RGS12: variants seen among roughly 807,000 people sequenced by gnomAD.
The protein encoded by RGS12 is regulator of G-protein signaling 12.
In RGS12, 66 loss-of-function variants were observed where a neutral mutation model predicts 120.1. The ratio of observed to expected loss-of-function variants is 0.55; its 90% CI spans 0.45 to 0.67. RGS12 has a LOEUF of 0.67. Among genes scored for constraint, RGS12 ranks in the 30% least tolerant of loss-of-function variants. The probability of loss-of-function intolerance (pLI) is 0.00; values close to 1 mark genes in which losing one functional copy is unlikely to be tolerated. For missense variants in RGS12, 1,859 were observed against 1,957.7 expected (o/e 0.95, Z 0.95); for synonymous variants, 827 against 804.7 (o/e 1.03, Z -0.47).
Position 3,316,463 on chromosome 4 carries a change from G to T in RGS12, c.293G>T (p.Gly98Val). Residue 98 changes from glycine (G) to valine (V), a missense_variant, in exon 2 of 18, where the codon GGC becomes GTC. Physicochemically the swap from Gly to Val is moderately radical, Grantham distance 109. Around this residue, in one of 3 missense-constraint regions of RGS12, gnomAD observed 967 missense variants for 994.2 expected, o/e 0.97. Transcript: ENST00000336727. ...GTCCTTCACATGGTGATTGCTGAAG[G>T]CGTCGGCCGCTTCGAATCCTGTTCC... ...SGVLHMVIAEGVGRFESCSSD... is the reference protein window; with the variant it reads ...SGVLHMVIAEVVGRFESCSSD... 1 of 1,614,180 alleles carries T rather than the reference G, an allele frequency of 6.2e-7. No homozygotes were observed. Among genetic ancestry groups the T allele is most frequent in the Admixed American group, 1.7e-5 (1 of 60,032 alleles).
intron 4 of RGS12, among the ~76,000 whole-genome samples, chr4:3,386,662 C>T (rs1380266893): frequency 3.3e-5 from 5 of 152,058 alleles, no homozygotes; most frequent in African/African-American, 1.2e-4. Flanking sequence ...CTGCCATGGC[C>T]CTGAACACCA....
intron 14 of RGS12, 44 bp downstream of exon 14, chr4:3,425,604 CCAGTGCAGGGGAGGGGGCTATG>C: frequency 6.7e-7 from 1 of 1,490,706 alleles, no homozygotes. Flanking sequence ...GTGAGTGGGT[CCAGTGCAGGGGAGGGGGCTATG>C]GAGCCGGTGC....
rs149727163 is a variant in RGS12, at chr4:3,317,161, G to A, written c.991G>A (p.Gly331Ser). ...CGGGAGCCTGGCCCAGGAGGAGGAG[G>A]GCGCCCTGCGGACTTCCTGCCACGT... ...DDGSLAQEEE[G>S]ALRTSCHVFM... is the part of the protein sequence containing the mutation. Residue 331 changes from glycine (G) to serine (S), a missense_variant, in exon 2 of 18, where the codon GGC becomes AGC. Physicochemically the swap from Gly to Ser is moderately conservative, Grantham distance 56 (BLOSUM62 0). Around this residue, in one of 3 missense-constraint regions of RGS12, gnomAD observed 967 missense variants for 994.2 expected, o/e 0.97. Transcript: ENST00000336727. 4.5e-4 allele frequency: 721 copies of A among 1,614,100 alleles called. 2 individuals carry two copies. In the African/African-American group the frequency reaches 6.6e-3, roughly 15 times the overall value.
chr4:3,422,811 C>T (rs1311455953), intron 11 of RGS12, 94 bp from the exon 12 acceptor site: 3 of 1,178,502 alleles, frequency 2.5e-6, no homozygotes, highest in African/African-American at 1.5e-5. Flanking sequence ...AGCTGCTCTT[C>T]TGCTCTGCAC....
Position 3,391,498 on chromosome 4 carries a change from G to A in RGS12, c.2020+5061G>A, listed in dbSNP as rs144459202. Among the ~76,000 whole-genome samples the A allele has an allele frequency of 9.3e-3, 1,416 of 152,324 alleles. 8 individuals carry two copies. Among genetic ancestry groups the A allele is most frequent in the Middle Eastern group, 0.024 (7 of 294 alleles). ...GTGCCTGAGAATTGACTCAGGGCTGGGGTGACCACAGAAGCCCTTGGTGCC... is the reference window on the plus strand; with the variant it reads ...GTGCCTGAGAATTGACTCAGGGCTGAGGTGACCACAGAAGCCCTTGGTGCC... On this transcript the variant is annotated intron_variant, in intron 4 of 17. Transcript: ENST00000336727.
chr4:3,393,303 G>A (rs912425259), intron 4 of RGS12, among the ~76,000 whole-genome samples: 3 of 152,216 alleles, frequency 2.0e-5, no homozygotes, highest in African/African-American at 4.8e-5. Flanking sequence ...TGTTCCCGCC[G>A]CAGCCCCCGG....
rs766789018 is a variant in RGS12, at chr4:3,416,955, A to C, written c.2470A>C (p.Lys824Gln). Residue 824 changes from lysine (K) to glutamine (Q), a missense_variant, in exon 8 of 18, where the codon AAG becomes CAG. Transcript: ENST00000336727. ...MKFDSYTRFL[K>Q]SPLYQECILA... ...GTTTGATAGCTACACTCGCTTTCTG[A>C]AGTCCCCGCTGTACCAGGAATGCAT... is the stretch of plus-strand genomic sequence containing the variant. 6.2e-7 allele frequency: 1 copy of C among 1,610,300 alleles called. No individual in the cohort carries two copies.
chr4:3,300,170 G>A (rs1478396455), intron 1 of RGS12, among the ~76,000 whole-genome samples: 1 of 152,258 alleles, frequency 6.6e-6, no homozygotes, highest in East Asian at 1.9e-4. Flanking sequence ...GCTGGGAACA[G>A]GTGCTCGCCT....
At chr4:3,325,784 A>G (rs1725518824) in intron 2 of RGS12, among the ~76,000 whole-genome samples, 1 of 152,196 alleles carries the variant, frequency 6.6e-6, no homozygotes, top group African/African-American at 2.4e-5. Context: ...ACAAATCCTC[A>G]ACAAAATACT....
intron 4 of RGS12, among the ~76,000 whole-genome samples, chr4:3,412,675 C>T (rs975150765): frequency 3.9e-5 from 6 of 152,254 alleles, no homozygotes; most frequent in African/African-American, 1.4e-4. Context: ...TGAGGCTGCT[C>T]TGTCAGTCAG....
intron 1 of RGS12, among the ~76,000 whole-genome samples, chr4:3,307,499 A>G: frequency 6.6e-6 from 1 of 152,258 alleles, no homozygotes; most frequent in East Asian, 1.9e-4. Flanking sequence ...TTTTAGTACA[A>G]AAAAGTTCTT....
At chr4:3,307,545 G>A (rs3129308) in intron 1 of RGS12, among the ~76,000 whole-genome samples, 100,678 of 152,230 alleles carry the variant, frequency 0.66, 34,196 homozygotes, top group African/African-American at 0.81. Flanking sequence ...AGAAATAATT[G>A]CATTCAGACA....
At chr4:3,395,322 C>T (rs771554018) in intron 4 of RGS12, among the ~76,000 whole-genome samples, 2 of 152,154 alleles carry the variant, frequency 1.3e-5, no homozygotes, top group African/African-American at 2.4e-5. Flanking sequence ...GTTTACTCTC[C>T]TAGCTGTGGA....
intron 4 of RGS12, among the ~76,000 whole-genome samples, chr4:3,388,023 T>A (rs538093684): frequency 6.6e-6 from 1 of 152,198 alleles, no homozygotes; most frequent in African/African-American, 2.4e-5. Flanking sequence ...AGGAAGTGTG[T>A]CCTGGCTCCT....
At chr4:3,417,629 T>G (rs1456140770) in intron 9 of RGS12, 88 bp downstream of exon 9, 1 of 1,443,282 alleles carries the variant, frequency 6.9e-7, no homozygotes, top group African/African-American at 1.4e-5. Context: ...GCGGTGACCT[T>G]GGGCCATGTG....
At chr4:3,384,164 A>G (rs376622389) in intron 3 of RGS12, among the ~76,000 whole-genome samples, 4 of 151,970 alleles carry the variant, frequency 2.6e-5, no homozygotes, top group Admixed American at 1.3e-4. Context: ...GATATTATTT[A>G]TTTATTTTAA....
intron 1 of RGS12, among the ~76,000 whole-genome samples, chr4:3,305,401 A>T (rs920399318): frequency 2.6e-5 from 4 of 151,914 alleles, no homozygotes; most frequent in Admixed American, 1.3e-4. Flanking sequence ...CCATGTACAA[A>T]ATACACTCCC....
intron 16 of RGS12, among the ~76,000 whole-genome samples, 164 bp from the exon 17 acceptor site, chr4:3,430,243 G>A (rs576643416): frequency 3.9e-5 from 6 of 152,322 alleles, no homozygotes; most frequent in East Asian, 1.9e-4. Flanking sequence ...TGTCCCTTCC[G>A]CTGTCTGTGG....
At chr4:3,290,648 G>A (rs1256839504), upstream of RGS12, among the ~76,000 whole-genome samples, 1 of 152,250 alleles carries the variant, frequency 6.6e-6, no homozygotes, top group Non-Finnish European at 1.5e-5. Flanking sequence ...CCTATGAGCT[G>A]TGGGTAGGGC....
Sources: allele counts gnomAD v4.1 joint callset (sites outside exome capture counted in the v4.1 genomes callset), GRCh38; gene constraint gnomAD v4.1.1; regional missense constraint gnomAD v4.1.1; transcripts MANE v1.5; gene names NCBI Gene and HGNC (gene_info 2026-07-23, HGNC 2026-07-21).